Variants in ST6GALNAC2 observed in about 807,000 individuals in gnomAD.
ST6GALNAC2 encodes alpha-N-acetylgalactosaminide alpha-2,6-sialyltransferase 2.
ST6GALNAC2 carries 42 observed loss-of-function variants against 38.7 expected under a neutral mutation model. That is an observed-to-expected ratio of 1.09 (90% CI 0.85 to 1.40). ST6GALNAC2 has a LOEUF of 1.40. Among genes scored for constraint, ST6GALNAC2 ranks in the 40% most tolerant of loss-of-function variants. ST6GALNAC2 has a pLI of 0.00. For missense variants in ST6GALNAC2, 506 were observed against 481.7 expected (o/e 1.05, Z -0.47); for synonymous variants, 233 against 209.0 (o/e 1.11, Z -0.99).
intron 6 of ST6GALNAC2, chr17:76,569,008 G>C: frequency 1.7e-6 from 1 of 573,628 alleles, no homozygotes; most frequent in South Asian, 2.1e-5. Context: ...CTCCACGGGC[G>C]GGGTGTAGGA....
rs750023165 is a variant in ST6GALNAC2, at chr17:76,570,635, G to A, written c.703C>T (p.Arg235Cys). 30 of 1,612,812 alleles carry A rather than the reference G, an allele frequency of 1.9e-5. No individual in the cohort carries two copies. Among genetic ancestry groups the A allele is most frequent in the East Asian group, 2.2e-5 (1 of 44,894 alleles). Residue 235 changes from arginine (R) to cysteine (C), a missense_variant, in exon 6 of 9, where the codon CGC becomes TGC. Physicochemically the swap from Arg to Cys is radical, Grantham distance 180. Transcript: ENST00000225276. ...GCCGATCTCAGCATCACATAGTCGC[G>A]GATGTCTGAGGGGATGAAGATATAC... ...LQYIFIPSDI[R>C]DYVMLRSAIL...
intron 7 of ST6GALNAC2, chr17:76,567,865 C>A (rs2075304511): frequency 3.1e-6 from 1 of 318,204 alleles, no homozygotes; most frequent in Non-Finnish European, 6.1e-6. Context: ...CAGTTTCTCT[C>A]TACTCCACAT....
chr17:76,577,078 T>C (rs2075426266), intron 2 of ST6GALNAC2, among the ~76,000 whole-genome samples: 2 of 148,898 alleles, frequency 1.3e-5, no homozygotes, highest in African/African-American at 2.5e-5. Context: ...TTTTTTTTTT[T>C]TTTTTGAGAC....
intron 2 of ST6GALNAC2, among the ~76,000 whole-genome samples, chr17:76,575,422 G>A (rs190884634): frequency 6.6e-6 from 1 of 152,330 alleles, no homozygotes; most frequent in Admixed American, 6.5e-5. Flanking sequence ...CATATAGGGT[G>A]AGGTCAGGCC....
rs954696826 is a variant in ST6GALNAC2, at chr17:76,566,027, A to T, written c.*77T>A. ...TGGCAAGGGAAGGTGAAGATTGAAAAGTTAAAAAAGCTTTTGGCCACTTGA... is the reference window on the plus strand; with the variant it reads ...TGGCAAGGGAAGGTGAAGATTGAAATGTTAAAAAAGCTTTTGGCCACTTGA... On this transcript the variant is annotated 3_prime_UTR_variant, in exon 9 of 9. Coordinates refer to ENST00000225276, the MANE Select transcript of ST6GALNAC2 (RefSeq NM_006456.3). 2 of 1,480,140 alleles carry T rather than the reference A, an allele frequency of 1.4e-6. No homozygotes were observed. Among genetic ancestry groups the T allele is most frequent in the Admixed American group, 2.2e-5 (1 of 44,488 alleles). The allele number at this position is 1,480,140 out of a possible 1,614,324, so 91.7% of individuals were successfully genotyped here. A position where few individuals can be genotyped will look rare whatever the true frequency, so the allele number is the denominator to read the frequency against.
At chr17:76,583,325 G>C (rs556889593) in intron 1 of ST6GALNAC2, among the ~76,000 whole-genome samples, 1 of 139,676 alleles carries the variant, frequency 7.2e-6, no homozygotes, top group Non-Finnish European at 1.5e-5. Flanking sequence ...GCAGTGAGCC[G>C]AGATGGGGCC....
intron 6 of ST6GALNAC2, chr17:76,569,607 C>T (rs1325280875): frequency 1.5e-5 from 6 of 396,004 alleles, no homozygotes; most frequent in Non-Finnish European, 2.7e-5. Flanking sequence ...GGGAGGGAGA[C>T]TGGGTAGGGG....
intron 2 of ST6GALNAC2, among the ~76,000 whole-genome samples, 194 bp downstream of exon 2, chr17:76,578,562 G>A (rs1333253137): frequency 6.6e-6 from 1 of 152,130 alleles, no homozygotes; most frequent in Non-Finnish European, 1.5e-5. Context: ...ATCCTTCTCT[G>A]CTGTTGGGCC....
rs1420415339 is a variant in ST6GALNAC2, at chr17:76,565,485, AC to A, written c.*618del. The A allele has an allele frequency of 6.7e-6, 1 of 150,334 alleles. No homozygotes were observed. The highest frequency in any genetic ancestry group is 2.5e-5 in the African/African-American group (1 of 40,664). The allele number at this position is 150,334 out of a possible 1,614,324, so 9.3% of individuals were successfully genotyped here. On this transcript the variant is annotated 3_prime_UTR_variant, in exon 9 of 9. Transcript: ENST00000225276. ...TGGCAGGCAGGCTGCCAAGCAACTAACCCCCATCAAGTGCCAGACCCTCCCA... is the reference window on the plus strand; with the variant it reads ...TGGCAGGCAGGCTGCCAAGCAACTAACCCCATCAAGTGCCAGACCCTCCCA...
intron 1 of ST6GALNAC2, among the ~76,000 whole-genome samples, chr17:76,582,457 C>T (rs2075491190): frequency 6.6e-6 from 1 of 151,404 alleles, no homozygotes; most frequent in Admixed American, 6.6e-5. Context: ...GCACGAGCCA[C>T]CATGCCCGGC....
At chr17:76,578,080 C>T (rs1020296716) in intron 2 of ST6GALNAC2, among the ~76,000 whole-genome samples, 2 of 152,142 alleles carry the variant, frequency 1.3e-5, no homozygotes, top group Non-Finnish European at 2.9e-5. Flanking sequence ...TCCTGCTTAT[C>T]GGCAGCACAT....
Position 76,573,847 on chromosome 17 carries a change from A to T in ST6GALNAC2, c.362-484T>A, listed in dbSNP as rs550183437. On this transcript the variant is annotated intron_variant, in intron 3 of 8. Transcript: ENST00000225276. The surrounding 1 kb of genome is among the most constrained non-coding windows in gnomAD (Gnocchi z 5.1). ...AGGCTGAGGCACAAGAATCACTTGAACCCGGGAGGCGGAGGTTGTAGTGAG... is the reference window on the plus strand; with the variant it reads ...AGGCTGAGGCACAAGAATCACTTGATCCCGGGAGGCGGAGGTTGTAGTGAG... Among the ~76,000 whole-genome samples, 64 of 152,194 alleles carry T rather than the reference A, an allele frequency of 4.2e-4. No individual in the cohort carries two copies. The highest frequency in any genetic ancestry group is 1.5e-3 in the African/African-American group (62 of 41,516).
At chr17:76,584,739 G>T (rs1361071288) in intron 1 of ST6GALNAC2, among the ~76,000 whole-genome samples, 1 of 152,202 alleles carries the variant, frequency 6.6e-6, no homozygotes. Flanking sequence ...CAGCATCTGT[G>T]GAGACCAGAT....
At chr17:76,580,702 AGAGT>A (rs2143317272) in intron 1 of ST6GALNAC2, among the ~76,000 whole-genome samples, 1 of 135,984 alleles carries the variant, frequency 7.4e-6, no homozygotes, top group Admixed American at 8.1e-5. Flanking sequence ...CCTGGGTGAC[AGAGT>A]GAGACTCCAT....
rs2143287124 is a variant in ST6GALNAC2 at position 76,567,455 on chromosome 17, G to C, written c.955C>G (p.Gln319Glu). ...MLLTALHTCD[Q>E]VSAYGFITSN... ...TTCTGGAAGAGAAGGCCTCTTACCT[G>C]GTCACAGGTATGCAAAGCTGTCAGC... The change falls in exon 8 of 9, where the codon CAG becomes GAG. Residue 319 changes from glutamine (Q) to glutamate (E), a missense_variant and splice_region_variant. Physicochemically the swap from Gln to Glu is conservative, Grantham distance 29 (BLOSUM62 2). Coordinates refer to ENST00000225276, the MANE Select transcript of ST6GALNAC2 (RefSeq NM_006456.3). 1 of 1,611,906 alleles carries C rather than the reference G, an allele frequency of 6.2e-7. No individual in the cohort carries two copies. Among genetic ancestry groups the C allele is most frequent in the Middle Eastern group, 1.7e-4 (1 of 6,060 alleles).
At chr17:76,575,920 A>G (rs2075410559) in intron 2 of ST6GALNAC2, among the ~76,000 whole-genome samples, 3 of 152,236 alleles carry the variant, frequency 2.0e-5, no homozygotes, top group Admixed American at 2.0e-4. Flanking sequence ...GTGGCTAAAT[A>G]TCACCATGCT....
At chr17:76,566,912 G>A (rs1189199511) in intron 8 of ST6GALNAC2, among the ~76,000 whole-genome samples, 1 of 152,082 alleles carries the variant, frequency 6.6e-6, no homozygotes, top group African/African-American at 2.4e-5. Flanking sequence ...CTTTAGCATG[G>A]GTCACGGCCT....
intron 1 of ST6GALNAC2, among the ~76,000 whole-genome samples, chr17:76,580,423 C>T (rs1383832380): frequency 6.8e-6 from 1 of 147,522 alleles, no homozygotes; most frequent in Non-Finnish European, 1.5e-5. Context: ...TGGCCGGGTG[C>T]GGTGGCTCAC....
chr17:76,575,528 G>C (rs2075406060), intron 2 of ST6GALNAC2, among the ~76,000 whole-genome samples: 1 of 152,250 alleles, frequency 6.6e-6, no homozygotes, highest in Admixed American at 6.5e-5. Flanking sequence ...CCAGAGCTGG[G>C]AAAAGGCAGG....
Sources: allele counts gnomAD v4.1 joint callset (sites outside exome capture counted in the v4.1 genomes callset), GRCh38; gene constraint gnomAD v4.1.1; non-coding constraint Gnocchi (gnomAD v3.1); transcripts MANE v1.5; gene names NCBI Gene and HGNC (gene_info 2026-07-23, HGNC 2026-07-21).